RBM14: variants seen among roughly 807,000 people sequenced by gnomAD.
RBM14 encodes the protein RNA-binding protein 14.
A neutral mutation model predicts 52.8 loss-of-function variants in RBM14; 5 were observed. The observed-to-expected ratio is 0.09, with a 90% CI of 0.05 to 0.20. The LOEUF (loss-of-function observed/expected upper bound fraction) is 0.20, where lower values mean the gene tolerates loss of function less well. RBM14 is among the 10% of genes least tolerant of loss of function. The pLI is 1.00. For missense variants in RBM14, 780 were observed against 926.6 expected (o/e 0.84, Z 2.05); for synonymous variants, 411 against 401.8 (o/e 1.02, Z -0.28).
Position 66,625,447 on chromosome 11 carries a change from T to G in RBM14, c.1571T>G (p.Leu524Trp). The G allele has an allele frequency of 6.2e-7, 1 of 1,613,572 alleles. No individual in the cohort carries two copies. Among genetic ancestry groups the G allele is most frequent in the Non-Finnish European group, 8.5e-7 (1 of 1,179,932 alleles). Residue 524 changes from leucine to tryptophan, a missense_variant, in exon 2 of 3, where the codon TTG becomes TGG. By Grantham distance (61) the Leu-to-Trp change is moderately conservative (BLOSUM62 -2). Transcript: ENST00000310137. This position sits in a 1 kb window ranked among gnomAD's most constrained non-coding sequence, Gnocchi z 4.2. Reference sequence around the variant, plus strand: ...TACCGCACTCAGTCATCAGCCTCATTGGCTGCTTCCTATGCTGCCCAGCAG... The same window carrying G: ...TACCGCACTCAGTCATCAGCCTCATGGGCTGCTTCCTATGCTGCCCAGCAG... ...APYRTQSSAS[L>W]AASYAAQQHP... is the part of the protein sequence containing the mutation.
chr11:66,625,862 G>T lies in RBM14; in HGVS notation c.1802+184G>T. The T allele has an allele frequency of 1.7e-6, 1 of 597,124 alleles. No individual in the cohort carries two copies. The highest frequency in any genetic ancestry group is 2.9e-6 in the Non-Finnish European group (1 of 342,342). 37.0% of individuals were successfully genotyped at this position (597,124 alleles called of 1,614,324 possible). ...TTTCCTGGTCACCAGGGTTCAGGTGGAGCATAGTGCTCAGCCTGGGGTGGT... is the reference window on the plus strand; with the variant it reads ...TTTCCTGGTCACCAGGGTTCAGGTGTAGCATAGTGCTCAGCCTGGGGTGGT... On this transcript the variant is annotated intron_variant, in intron 2 of 2. Transcript: ENST00000310137. The surrounding 1 kb of genome is among the most constrained non-coding windows in gnomAD (Gnocchi z 4.2).
Position 66,626,693 on chromosome 11 carries a change from A to T in RBM14, c.*25A>T, listed in dbSNP as rs774784692. 1.2e-5 allele frequency: 19 copies of T among 1,556,962 alleles called. No individual in the cohort carries two copies. Among genetic ancestry groups the T allele is most frequent in the Admixed American group, 7.2e-5 (4 of 55,220 alleles). On this transcript the variant is annotated 3_prime_UTR_variant, in exon 3 of 3. Transcript: ENST00000310137. ...GGGCCATCCTGGGATGGGGCACCAC[A>T]GGGAGGGAGGGAGAAAAGAGGTGGG...
In RBM14 at chr11:66,624,178, C is replaced by T; in HGVS notation, c.338-36C>T. On this transcript the variant is annotated intron_variant, in intron 1 of 2. Transcript: ENST00000310137. This position sits in a 1 kb window ranked among gnomAD's most constrained non-coding sequence, Gnocchi z 4.7. ...ACCCATCAGGTAGCATGCCCTGCCC[C>T]CCTAATTGCTAACCCTCTGTCTGCT... 6.5e-7 allele frequency: 1 copy of T among 1,545,948 alleles called. No individual in the cohort carries two copies. The highest frequency in any genetic ancestry group is 8.7e-7 in the Non-Finnish European group (1 of 1,143,900).
intron 1 of RBM14, chr11:66,618,396 T>A (rs1295134834): frequency 1.5e-6 from 1 of 682,232 alleles, no homozygotes; most frequent in Admixed American, 2.1e-5. Context: ...GGGCCATTCC[T>A]AGTCCTTTAA....
chr11:66,627,947 A>C lies in RBM14; in HGVS notation c.*1279A>C, dbSNP rs948661514. ...TTTTGCCTGTTGAGCTGTACCATGG[A>C]GCATCCTCCTGTGTCCTGCCAACCC... On this transcript the variant is annotated 3_prime_UTR_variant, in exon 3 of 3. Transcript: ENST00000310137. Among the ~76,000 whole-genome samples the C allele has an allele frequency of 1.3e-5, 2 of 152,060 alleles. No individual in the cohort carries two copies. Among genetic ancestry groups the C allele is most frequent in the African/African-American group, 4.8e-5 (2 of 41,394 alleles).
chr11:66,618,448 C>G (rs1238745754), intron 1 of RBM14: 1 of 716,762 alleles, frequency 1.4e-6, no homozygotes, highest in African/African-American at 1.7e-5. Context: ...CTACTAGGAA[C>G]AAGTCCTTGT....
chr11:66,617,265 C>G, intron 1 of RBM14: 1 of 1,380,586 alleles, frequency 7.2e-7, no homozygotes, highest in Non-Finnish European at 9.3e-7. Context: ...GGAAGCGGCT[C>G]TGGGTGGGTG....
intron 1 of RBM14, chr11:66,619,436 C>T (rs944551281): frequency 6.6e-6 from 1 of 152,108 alleles, no homozygotes; most frequent in Non-Finnish European, 1.5e-5. Context: ...TGAACAGCTT[C>T]CGGAAACATG....
chr11:66,623,490 C>G (rs1345724513), intron 1 of RBM14, among the ~76,000 whole-genome samples: 1 of 152,208 alleles, frequency 6.6e-6, no homozygotes, highest in Non-Finnish European at 1.5e-5. Context: ...CTCTAACACA[C>G]TTTGAGTGGG....
chr11:66,624,598 C>T lies in RBM14; in HGVS notation c.722C>T (p.Pro241Leu), dbSNP rs1245697328. 15 of 1,612,306 alleles carry T rather than the reference C, an allele frequency of 9.3e-6. No homozygotes were observed. Among genetic ancestry groups the T allele is most frequent in the African/African-American group, 2.7e-5 (2 of 75,034 alleles). Residue 241 changes from proline (P) to leucine (L), a missense_variant, in exon 2 of 3, where the codon CCG (proline) becomes CTG (leucine). Physicochemically the swap from Pro to Leu is moderately conservative, Grantham distance 98. Transcript: ENST00000310137. The surrounding 1 kb of genome is among the most constrained non-coding windows in gnomAD (Gnocchi z 4.7). The part of the protein sequence containing the change: ...TAQPATYRAQ[P>L]SVSLGAAYRA... ...CAGCCAGCTACCTACCGGGCCCAGCCGTCCGTGTCACTGGGAGCTGCCTAC... is the reference window on the plus strand; with the variant it reads ...CAGCCAGCTACCTACCGGGCCCAGCTGTCCGTGTCACTGGGAGCTGCCTAC...
intron 1 of RBM14, chr11:66,617,608 G>T (rs1226135477): frequency 2.0e-6 from 2 of 975,954 alleles, no homozygotes; most frequent in Non-Finnish European, 1.2e-6. Flanking sequence ...TCTGGCATGG[G>T]TCTACTCATG....
chr11:66,618,453 C>T (rs1459161138), intron 1 of RBM14: 5 of 716,874 alleles, frequency 7.0e-6, no homozygotes, highest in Admixed American at 2.0e-5. Flanking sequence ...AGGAACAAGT[C>T]CTTGTTCTGC....
rs1205945497 is a variant in RBM14, at chr11:66,626,764, C to T, written c.*96C>T. 7.9e-6 allele frequency: 10 copies of T among 1,260,664 alleles called. No individual in the cohort carries two copies. Among genetic ancestry groups the T allele is most frequent in the Admixed American group, 2.6e-5 (1 of 38,750 alleles). 78.1% of individuals were successfully genotyped at this position (1,260,664 alleles called of 1,614,324 possible). ...ATAACTACTCTGGCCCATACCTTTC[C>T]TGGTTGTGGTTTTTCATGCCCTCTA... On this transcript the variant is annotated 3_prime_UTR_variant, in exon 3 of 3. Transcript: ENST00000310137.
At chr11:66,622,241 T>C (rs1859149282) in intron 1 of RBM14, among the ~76,000 whole-genome samples, 2 of 149,272 alleles carry the variant, frequency 1.3e-5, no homozygotes, top group Non-Finnish European at 3.0e-5. Flanking sequence ...TTTCTTTTTT[T>C]TTTTTTTTGA....
chr11:66,617,528 C>G (rs992804400), intron 1 of RBM14: 8 of 991,452 alleles, frequency 8.1e-6, no homozygotes, highest in Non-Finnish European at 9.6e-6. Context: ...TGTTCCCTCC[C>G]GATGAATGTG....
chr11:66,626,434 C>T, intron 2 of RBM14, 27 bp from the exon 3 acceptor site: 7 of 1,593,894 alleles, frequency 4.4e-6, no homozygotes, highest in Non-Finnish European at 6.0e-6. Context: ...TTGTCTCATT[C>T]ACCAACTGTC....
rs1937675010 is a variant in RBM14 at position 66,624,059 on chromosome 11, G to T, written c.338-155G>T. On this transcript the variant is annotated intron_variant, in intron 1 of 2. Coordinates refer to ENST00000310137, the MANE Select transcript of RBM14 (RefSeq NM_006328.4). The surrounding 1 kb of genome is among the most constrained non-coding windows in gnomAD (Gnocchi z 4.7). The stretch of plus-strand genomic sequence containing the variant: ...GACAGTCAGAAGCTTTGTTATATGG[G>T]AGCTACATTTTATGACATACTCCTG... The T allele has an allele frequency of 8.0e-7, 1 of 1,254,876 alleles. No homozygotes were observed. The highest frequency in any genetic ancestry group is 1.3e-5 in the South Asian group (1 of 78,304). 77.7% of individuals were successfully genotyped at this position (1,254,876 alleles called of 1,614,324 possible).
chr11:66,619,448 A>G (rs1387869691), intron 1 of RBM14: 1 of 152,236 alleles, frequency 6.6e-6, no homozygotes, highest in Non-Finnish European at 1.5e-5. Flanking sequence ...GGAAACATGT[A>G]CAGACTTGTG....
rs1026115625 is a variant in RBM14, at chr11:66,616,668, C to G, written c.-53C>G. ...ACTGCCGGTCGTTCGGACGTCTTGCCTGTCGCTGGAGGAGAGGTCCGGGCT... is the reference window on the plus strand; with the variant it reads ...ACTGCCGGTCGTTCGGACGTCTTGCGTGTCGCTGGAGGAGAGGTCCGGGCT... On this transcript the variant is annotated 5_prime_UTR_variant, in exon 1 of 3. Transcript: ENST00000310137. 2.0e-6 allele frequency: 3 copies of G among 1,522,256 alleles called. No homozygotes were observed. The highest frequency in any genetic ancestry group is 1.4e-5 in the African/African-American group (1 of 71,924). 94.3% of individuals were successfully genotyped at this position (1,522,256 alleles called of 1,614,324 possible).
Sources: gnomAD v4.1 joint callset for allele counts (sites outside exome capture counted in the v4.1 genomes callset) on GRCh38, gnomAD v4.1.1 for gene constraint, Gnocchi (gnomAD v3.1) non-coding constraint, MANE v1.5 for transcripts, NCBI Gene and HGNC (gene_info 2026-07-23, HGNC 2026-07-21) for gene names.